Variants in DNAH11 observed in about 807,000 individuals in gnomAD.
DNAH11 encodes the protein dynein axonemal heavy chain 11.
In DNAH11, 442 loss-of-function variants were observed where a neutral mutation model predicts 526.0. That is an observed-to-expected ratio of 0.84 (90% CI 0.78 to 0.91). The LOEUF is 0.91. Ranked by LOEUF, DNAH11 falls within the 40% of genes least tolerant of loss-of-function variation. The probability of loss-of-function intolerance (pLI) is 0.00; values close to 1 mark genes in which losing one functional copy is unlikely to be tolerated. For missense variants in DNAH11, 6,989 were observed against 5,448.7 expected, an observed-to-expected ratio of 1.28 and a Z score of -8.90; for synonymous variants, 2,461 against 1,935.9, an observed-to-expected ratio of 1.27 and a Z score of -7.12.
intron 54 of DNAH11, among the ~76,000 whole-genome samples, chr7:21,759,241 A>C (rs1786780761): frequency 6.6e-6 from 1 of 152,210 alleles, no homozygotes; most frequent in African/African-American, 2.4e-5. Context: ...AAAAAGAAAG[A>C]AAAATTAACT....
intron 79 of DNAH11, among the ~76,000 whole-genome samples, chr7:21,897,329 A>C (rs537478494): frequency 3.3e-5 from 5 of 151,888 alleles, no homozygotes; most frequent in African/African-American, 1.2e-4. Flanking sequence ...CTATACCTGA[A>C]TGACAGTTTG....
chr7:21,882,280 T>C (rs1433550422), intron 75 of DNAH11, among the ~76,000 whole-genome samples: 1 of 152,198 alleles, frequency 6.6e-6, no homozygotes, highest in African/African-American at 2.4e-5. Context: ...CACTGTGTCC[T>C]GCTTTTTTTT....
At chr7:21,730,761 T>A (rs369278896) in intron 45 of DNAH11, among the ~76,000 whole-genome samples, 78 of 152,302 alleles carry the variant, frequency 5.1e-4, no homozygotes, top group African/African-American at 1.8e-3. Context: ...AAGAGATCTA[T>A]CGTACATGGT....
At chr7:21,819,404 G>A (rs1789957283) in intron 65 of DNAH11, among the ~76,000 whole-genome samples, 1 of 152,064 alleles carries the variant, frequency 6.6e-6, no homozygotes, top group African/African-American at 2.4e-5. Flanking sequence ...ACTTATAATT[G>A]TTTAATAAAC....
chr7:21,605,480 G>A (rs1785244526), intron 18 of DNAH11, among the ~76,000 whole-genome samples: 1 of 152,152 alleles, frequency 6.6e-6, no homozygotes, highest in Non-Finnish European at 1.5e-5. Context: ...GAGTTGAGTT[G>A]GTACCTGAAC....
intron 46 of DNAH11, among the ~76,000 whole-genome samples, chr7:21,736,978 T>A (rs969131951): frequency 6.6e-6 from 1 of 152,228 alleles, no homozygotes; most frequent in Non-Finnish European, 1.5e-5. Context: ...AGTTCAGTAG[T>A]TGAACAAATT....
intron 75 of DNAH11, among the ~76,000 whole-genome samples, chr7:21,882,455 A>C (rs924378556): frequency 6.6e-6 from 1 of 152,214 alleles, no homozygotes; most frequent in African/African-American, 2.4e-5. Context: ...AAGTATATGT[A>C]AAAAACAAAG....
At chr7:21,785,693 G>A (rs1047478086) in intron 58 of DNAH11, among the ~76,000 whole-genome samples, 3 of 151,750 alleles carry the variant, frequency 2.0e-5, no homozygotes, top group Non-Finnish European at 4.4e-5. Context: ...ATATGAAGCT[G>A]TGTATATGTA....
intron 8 of DNAH11, among the ~76,000 whole-genome samples, chr7:21,577,862 C>T (rs539865825): frequency 6.1e-4 from 93 of 151,960 alleles, no homozygotes; most frequent in Non-Finnish European, 1.1e-3. Flanking sequence ...ATGCCAATAC[C>T]AAGATAATAG....
At chr7:21,674,552 A>G (rs1395101634) in intron 30 of DNAH11, among the ~76,000 whole-genome samples, 2 of 152,098 alleles carry the variant, frequency 1.3e-5, no homozygotes, top group South Asian at 4.1e-4. Flanking sequence ...TAGTAGATAC[A>G]GGGTTTCGCC....
At chr7:21,624,119 C>T (rs535975894) in intron 25 of DNAH11, among the ~76,000 whole-genome samples, 1 of 152,020 alleles carries the variant, frequency 6.6e-6, no homozygotes, top group African/African-American at 2.4e-5. Flanking sequence ...AACACATGAG[C>T]TTTGAGACAC....
chr7:21,748,671 G>A lies in DNAH11; in HGVS notation c.8602G>A (p.Ala2868Thr). The change falls in exon 52 of 82, where the codon GCA (alanine) becomes ACA (threonine). Residue 2868 changes from alanine to threonine, a missense_variant. By Grantham distance (58) the Ala-to-Thr change is moderately conservative. Coordinates refer to ENST00000409508, the MANE Select transcript of DNAH11 (RefSeq NM_001277115.2). ...GSGKQSLSRL[A>T]AYLRGLEVFQ... The stretch of plus-strand genomic sequence containing the variant: ...TGGCAAGCAGAGCTTGTCCAGGCTG[G>A]CAGCTTACCTTCGTGGCCTTGAGGT... 6.2e-7 allele frequency: 1 copy of A among 1,613,628 alleles called. No homozygotes were observed. Among genetic ancestry groups the A allele is most frequent in the Non-Finnish European group, 8.5e-7 (1 of 1,179,670 alleles).
At chr7:21,648,648 T>C (rs1413651412) in intron 28 of DNAH11, among the ~76,000 whole-genome samples, 1 of 152,234 alleles carries the variant, frequency 6.6e-6, no homozygotes, top group East Asian at 1.9e-4. Context: ...GAATTGTGGC[T>C]GATGAAGAAG....
At chr7:21,636,634 A>T (rs1384590925) in intron 26 of DNAH11, among the ~76,000 whole-genome samples, 1 of 152,098 alleles carries the variant, frequency 6.6e-6, no homozygotes, top group Non-Finnish European at 1.5e-5. Context: ...GCTACTTGGG[A>T]GGCTGAGGTG....
At chr7:21,811,398 G>T (rs1327609385) in intron 63 of DNAH11, among the ~76,000 whole-genome samples, 2 of 151,922 alleles carry the variant, frequency 1.3e-5, no homozygotes, top group African/African-American at 2.4e-5. Context: ...GGAAGTTGCA[G>T]TGAGCCGAGA....
chr7:21,636,373 A>G (rs569821199), intron 26 of DNAH11, among the ~76,000 whole-genome samples: 2 of 152,328 alleles, frequency 1.3e-5, no homozygotes, highest in South Asian at 2.1e-4. Context: ...ACTTGTAGAC[A>G]CTGAAATTTG....
In DNAH11 at chr7:21,682,120, C is replaced by G. The variant is rs188631515; in HGVS notation, c.5460+443C>G. Among the ~76,000 whole-genome samples, 110 of 152,274 alleles carry G rather than the reference C, an allele frequency of 7.2e-4. 1 individual carries two copies. Among genetic ancestry groups the G allele is most frequent in the African/African-American group, 2.6e-3 (108 of 41,542 alleles). On this transcript the variant is annotated intron_variant, in intron 31 of 81. Coordinates refer to ENST00000409508, the MANE Select transcript of DNAH11 (RefSeq NM_001277115.2). Reference sequence around the variant, plus strand: ...GAAGAGAGAGGTGTTGGTCATAATTCTAGGTTGTCACTTGGGTAATCCTTT... The same window carrying G: ...GAAGAGAGAGGTGTTGGTCATAATTGTAGGTTGTCACTTGGGTAATCCTTT...
At chr7:21,606,841 A>G in intron 20 of DNAH11, 108 bp downstream of exon 20, 1 of 1,007,116 alleles carries the variant, frequency 9.9e-7, no homozygotes, top group Non-Finnish European at 1.5e-6. Context: ...CTGTTATAGG[A>G]ATTGATTTAT....
At chr7:21,815,169 G>A (rs190228802) in intron 63 of DNAH11, among the ~76,000 whole-genome samples, 4 of 152,204 alleles carry the variant, frequency 2.6e-5, no homozygotes, top group Middle Eastern at 3.4e-3. Context: ...AGATCTGCAG[G>A]TGCCCCTTCT....
Sources: gnomAD v4.1 joint callset for allele counts (sites outside exome capture counted in the v4.1 genomes callset) on GRCh38, gnomAD v4.1.1 for gene constraint, MANE v1.5 for transcripts, NCBI Gene and HGNC (gene_info 2026-07-23, HGNC 2026-07-21) for gene names.